GNG7: variants seen among roughly 807,000 people sequenced by gnomAD.
GNG7 encodes the protein G protein subunit gamma 7, also known as guanine nucleotide-binding protein G(I)/G(S)/G(O) subunit gamma-7.
Under a neutral mutation model 4.0 loss-of-function variants are expected in GNG7, and 1 was observed. The ratio of observed to expected loss-of-function variants is 0.25; its 90% confidence interval spans 0.09 to 1.18. The LOEUF is 1.18. Ranked by LOEUF, GNG7 falls within the 50% of genes most tolerant of loss-of-function variation. The pLI is 0.50. For synonymous variants in GNG7, 34 were observed against 36.9 expected (o/e 0.92, Z 0.29); for missense variants, 86 against 91.9 (o/e 0.94, Z 0.26).
chr19:2,595,273 G>A (rs1336782408), intron 2 of GNG7: 10 of 151,196 alleles, frequency 6.6e-5, no homozygotes, highest in East Asian at 2.1e-4. Flanking sequence ...CATTACAGGC[G>A]CCCGCCACCA....
intron 2 of GNG7, among the ~76,000 whole-genome samples, chr19:2,635,893 G>A (rs1982295269): frequency 6.6e-6 from 1 of 152,238 alleles, no homozygotes; most frequent in African/African-American, 2.4e-5. Flanking sequence ...AACTTGGGGT[G>A]ATTCTGTCCC....
chr19:2,535,325 CAAA>C (rs10606231), intron 3 of GNG7, among the ~76,000 whole-genome samples: 64 of 126,084 alleles, frequency 5.1e-4, no homozygotes, highest in Admixed American at 1.2e-3. Context: ...CTTGACTCTA[CAAA>C]AAAAAAAAAA....
At chr19:2,662,480 C>T (rs1423377324) in intron 1 of GNG7, among the ~76,000 whole-genome samples, 1 of 152,060 alleles carries the variant, frequency 6.6e-6, no homozygotes, top group Non-Finnish European at 1.5e-5. Flanking sequence ...TTTGGGCCTC[C>T]AGAACTTCCA....
chr19:2,575,161 T>C (rs1481398065), intron 2 of GNG7, among the ~76,000 whole-genome samples: 1 of 151,326 alleles, frequency 6.6e-6, no homozygotes, highest in African/African-American at 2.4e-5. Flanking sequence ...CATAGCTTAC[T>C]GCAGCCTGGA....
At chr19:2,595,552 A>ACG in intron 2 of GNG7, among the ~76,000 whole-genome samples, 1 of 151,954 alleles carries the variant, frequency 6.6e-6, no homozygotes, top group Non-Finnish European at 1.5e-5. Context: ...TGGGCAACAT[A>ACG]GCAAAACTCC....
intron 2 of GNG7, among the ~76,000 whole-genome samples, chr19:2,572,694 A>G (rs1027547656): frequency 8.6e-5 from 13 of 151,322 alleles, no homozygotes; most frequent in African/African-American, 3.2e-4. Context: ...CCTGGGCTCA[A>G]GCGATCCTCC....
intron 2 of GNG7, among the ~76,000 whole-genome samples, chr19:2,619,086 G>C (rs149566101): frequency 6.6e-6 from 1 of 152,300 alleles, no homozygotes; most frequent in East Asian, 1.9e-4. Flanking sequence ...ATTTTAAAAT[G>C]AATGAATACC....
intron 2 of GNG7, among the ~76,000 whole-genome samples, chr19:2,592,333 TA>T (rs148835221): frequency 7.3e-5 from 11 of 151,482 alleles, no homozygotes; most frequent in East Asian, 3.9e-4. Flanking sequence ...GTTGCTACAT[TA>T]AAAAAAAATT....
chr19:2,647,836 G>A (rs1403021386), intron 1 of GNG7, among the ~76,000 whole-genome samples: 1 of 151,818 alleles, frequency 6.6e-6, no homozygotes. Flanking sequence ...GAGACCAGCC[G>A]GGTCAACATG....
At chr19:2,679,696 T>A (rs1421764243) in intron 1 of GNG7, among the ~76,000 whole-genome samples, 3 of 152,144 alleles carry the variant, frequency 2.0e-5, no homozygotes, top group African/African-American at 7.2e-5. Context: ...ACCTTTCACT[T>A]TTTACATATC....
chr19:2,603,217 C>A (rs145876774), intron 2 of GNG7, among the ~76,000 whole-genome samples: 3,597 of 152,186 alleles, frequency 0.024, 144 homozygotes, highest in African/African-American at 0.082. Flanking sequence ...CAGGTGCGCA[C>A]CACCATGCCT....
chr19:2,638,438 G>A (rs1465816045), intron 2 of GNG7, among the ~76,000 whole-genome samples: 1 of 57,690 alleles, frequency 1.7e-5, no homozygotes, highest in Admixed American at 1.4e-4. Flanking sequence ...GGAGGGGAAG[G>A]GGAGGGGGAG....
intron 4 of GNG7, among the ~76,000 whole-genome samples, chr19:2,520,240 G>A (rs1323378082): frequency 6.6e-6 from 1 of 152,080 alleles, no homozygotes; most frequent in African/African-American, 2.4e-5. Flanking sequence ...GATACGACAT[G>A]CAGTCTCCTC....
Position 2,614,874 on chromosome 19 carries a change from G to T in GNG7, c.-78+31350C>A, listed in dbSNP as rs1981675560. Among the ~76,000 whole-genome samples, 1 of 152,246 alleles carries T rather than the reference G, an allele frequency of 6.6e-6. No homozygotes were observed. Among genetic ancestry groups the T allele is most frequent in the African/African-American group, 2.4e-5 (1 of 41,470 alleles). ...GAGGAACCACCAGACTGGTTTCCAA[G>T]GCGGCTGCCCCATCTTGCATCACAC... On this transcript the variant is annotated intron_variant, in intron 2 of 4. Transcript: ENST00000382159. The surrounding 1 kb of genome is among the most constrained non-coding windows in gnomAD (Gnocchi z 6.0).
At chr19:2,630,903 C>T (rs1361430974) in intron 2 of GNG7, 1 of 152,048 alleles carries the variant, frequency 6.6e-6, no homozygotes, top group African/African-American at 2.4e-5. Flanking sequence ...CAGACTAGAG[C>T]ATTCTGGGAT....
intron 1 of GNG7, among the ~76,000 whole-genome samples, chr19:2,691,713 C>A (rs1342714185): frequency 6.7e-6 from 1 of 149,708 alleles, no homozygotes; most frequent in Admixed American, 6.7e-5. Flanking sequence ...CTAAAAATAC[C>A]AAAATTAGCT....
chr19:2,527,774 A>C (rs868643966), intron 3 of GNG7, among the ~76,000 whole-genome samples: 33 of 125,088 alleles, frequency 2.6e-4, no homozygotes, highest in South Asian at 4.9e-4. Flanking sequence ...TTGCCAGGAA[A>C]CCCCCCCCCC....
rs71337161 is a variant in GNG7, at chr19:2,633,470, G to GGCGCGCGC, written c.-78+12746_-78+12753dup. Among the ~76,000 whole-genome samples, 5 of 132,366 alleles carry GGCGCGCGC rather than the reference G, an allele frequency of 3.8e-5. 1 individual carries two copies. The highest frequency in any genetic ancestry group is 1.6e-4 in the African/African-American group (5 of 30,466). The allele number at this position is 132,366 out of a possible 152,430, so 86.8% of individuals were successfully genotyped here. A position where few individuals can be genotyped will look rare whatever the true frequency, so the allele number is the denominator to read the frequency against. ...CTGTTCAAGCGGTTGCTTAGCAACA[G>GGCGCGCGC]GCGCGCGCGCGCGCGCGCACACACA... On this transcript the variant is annotated intron_variant, in intron 2 of 4. Coordinates refer to ENST00000382159, the MANE Select transcript of GNG7 (RefSeq NM_052847.3). This position sits in a 1 kb window ranked among gnomAD's most constrained non-coding sequence, Gnocchi z 5.9.
chr19:2,612,752 G>A (rs993154910), intron 2 of GNG7, among the ~76,000 whole-genome samples: 5 of 143,274 alleles, frequency 3.5e-5, no homozygotes, highest in South Asian at 4.4e-4. Flanking sequence ...CCCAGGCAGC[G>A]GTGCGATCTC....
Sources: gnomAD v4.1 joint callset for allele counts (sites outside exome capture counted in the v4.1 genomes callset) on GRCh38, gnomAD v4.1.1 for gene constraint, Gnocchi (gnomAD v3.1) non-coding constraint, MANE v1.5 for transcripts, NCBI Gene and HGNC (gene_info 2026-07-23, HGNC 2026-07-21) for gene names.